SEMA6D: variants seen among roughly 807,000 people sequenced by gnomAD.
The protein encoded by SEMA6D is semaphorin-6D.
In SEMA6D, 35 loss-of-function variants were observed where a neutral mutation model predicts 106.6. The observed-to-expected ratio is 0.33, with a 90% CI of 0.25 to 0.44. The LOEUF is 0.44. Among genes scored for constraint, SEMA6D ranks in the 20% least tolerant of loss-of-function variants. The pLI is 1.00. For synonymous variants in SEMA6D, 499 were observed against 487.7 expected, an observed-to-expected ratio of 1.02 and a Z score of -0.31; for missense variants, 1,185 against 1,345.9, an observed-to-expected ratio of 0.88 and a Z score of 1.87.
chr15:47,559,141 A>G (rs1034878199), intron 3 of SEMA6D, among the ~76,000 whole-genome samples: 1 of 152,140 alleles, frequency 6.6e-6, no homozygotes, highest in Non-Finnish European at 1.5e-5. Flanking sequence ...ATCTGGAAAG[A>G]TACCATTGTA....
At chr15:47,335,546 A>G (rs641257) in intron 1 of SEMA6D, among the ~76,000 whole-genome samples, 48,877 of 151,800 alleles carry the variant, frequency 0.32, 9,468 homozygotes, top group East Asian at 0.55. Flanking sequence ...TGACTAGGAT[A>G]TTTGCCCCCT....
chr15:47,286,439 C>A (rs1229394103), intron 1 of SEMA6D, among the ~76,000 whole-genome samples: 1 of 152,046 alleles, frequency 6.6e-6, no homozygotes, highest in Non-Finnish European at 1.5e-5. Context: ...CAATAATAAA[C>A]ACATTAATAT....
At chr15:47,222,238 C>T (rs148957116) in intron 1 of SEMA6D, among the ~76,000 whole-genome samples, 186 of 152,176 alleles carry the variant, frequency 1.2e-3, no homozygotes, top group African/African-American at 4.3e-3. Context: ...CAGAAATGAC[C>T]CATCATATGA....
chr15:47,361,297 T>C (rs1359930232), intron 1 of SEMA6D, among the ~76,000 whole-genome samples: 1 of 152,176 alleles, frequency 6.6e-6, no homozygotes, highest in Admixed American at 6.5e-5. Flanking sequence ...AATGGACATA[T>C]CCCCTTGATA....
At chr15:47,646,937 T>C (rs762218902) in intron 4 of SEMA6D, among the ~76,000 whole-genome samples, 2 of 152,208 alleles carry the variant, frequency 1.3e-5, no homozygotes, top group Non-Finnish European at 2.9e-5. Context: ...ACTGCAGCTG[T>C]GACCAAAAAT....
intron 1 of SEMA6D, among the ~76,000 whole-genome samples, chr15:47,343,810 T>C (rs551400955): frequency 1.3e-5 from 2 of 152,078 alleles, no homozygotes; most frequent in Non-Finnish European, 2.9e-5. Flanking sequence ...TTTCTAGTTA[T>C]ATGGGAGAAA....
chr15:47,367,134 G>C (rs911842526), intron 1 of SEMA6D, among the ~76,000 whole-genome samples: 7 of 152,210 alleles, frequency 4.6e-5, no homozygotes, highest in Non-Finnish European at 8.8e-5. Context: ...ATGAGACAGT[G>C]TTTGCTATAA....
At chr15:47,206,172 TC>T (rs1895046532) in intron 1 of SEMA6D, among the ~76,000 whole-genome samples, 1 of 152,190 alleles carries the variant, frequency 6.6e-6, no homozygotes, top group Non-Finnish European at 1.5e-5. Context: ...CAAATAAATA[TC>T]CAATATGTAT....
chr15:47,287,999 C>CAG (rs1171150004), intron 1 of SEMA6D, among the ~76,000 whole-genome samples: 1 of 151,754 alleles, frequency 6.6e-6, no homozygotes, highest in Non-Finnish European at 1.5e-5. Flanking sequence ...AAGAGAGAGA[C>CAG]AGAGAGAGAG....
At chr15:47,738,894 C>T (rs1232865992) in intron 1 of SEMA6D, among the ~76,000 whole-genome samples, 1 of 152,168 alleles carries the variant, frequency 6.6e-6, no homozygotes, top group Non-Finnish European at 1.5e-5. Flanking sequence ...CATGGAAGGC[C>T]AGTGGGTGCT....
chr15:47,527,242 G>A (rs965967098), intron 3 of SEMA6D, among the ~76,000 whole-genome samples: 3 of 152,058 alleles, frequency 2.0e-5, no homozygotes, highest in African/African-American at 7.2e-5. Flanking sequence ...GAAAGTGGCA[G>A]TGACACACTA....
chr15:47,542,022 A>C (rs2045370325), intron 3 of SEMA6D, among the ~76,000 whole-genome samples: 1 of 152,220 alleles, frequency 6.6e-6, no homozygotes, highest in African/African-American at 2.4e-5. Flanking sequence ...ATATATACAG[A>C]GCAAGATTGC....
intron 4 of SEMA6D, among the ~76,000 whole-genome samples, chr15:47,633,331 T>C (rs1484103361): frequency 2.6e-5 from 4 of 152,142 alleles, no homozygotes; most frequent in Non-Finnish European, 5.9e-5. Flanking sequence ...AACAGCAAAT[T>C]ATCTTAGTTT....
chr15:47,387,956 T>C lies in SEMA6D; in HGVS notation c.-238-24437T>C, dbSNP rs2173092. Among the ~76,000 whole-genome samples the C allele has an allele frequency of 6.4e-3, 971 of 152,326 alleles. 12 individuals carry two copies. The highest frequency in any genetic ancestry group is 0.022 in the African/African-American group (924 of 41,570). On this transcript the variant is annotated intron_variant, in intron 1 of 19. Coordinates refer to the SEMA6D transcript ENST00000558014. ...AGTGCCTAAGCTCTAATACTCAGAA[T>C]AGTGGTAAGCACTTAATAAGTGCCA...
At chr15:47,644,130 T>TA (rs903325240) in intron 4 of SEMA6D, among the ~76,000 whole-genome samples, 31 of 151,740 alleles carry the variant, frequency 2.0e-4, no homozygotes, top group African/African-American at 4.4e-4. Flanking sequence ...GTGAAATGGT[T>TA]AAAAAAAAAT....
chr15:47,348,716 CACCACA>C (rs138796462), intron 1 of SEMA6D, among the ~76,000 whole-genome samples: 56 of 43,846 alleles, frequency 1.3e-3, no homozygotes, highest in African/African-American at 4.0e-3. Context: ...CACACACACA[CACCACA>C]CACACAGAGA....
At chr15:47,522,265 A>T (rs193023671) in intron 3 of SEMA6D, among the ~76,000 whole-genome samples, 1 of 152,358 alleles carries the variant, frequency 6.6e-6, no homozygotes, top group Non-Finnish European at 1.5e-5. Flanking sequence ...ACTCATGTCT[A>T]TTCAATGCTT....
intron 4 of SEMA6D, among the ~76,000 whole-genome samples, chr15:47,643,583 A>T (rs1356904016): frequency 6.6e-6 from 1 of 152,208 alleles, no homozygotes; most frequent in African/African-American, 2.4e-5. Flanking sequence ...CTTCCAAGGA[A>T]TGTTAACCCT....
At chr15:47,245,892 T>A (rs1396421311) in intron 1 of SEMA6D, among the ~76,000 whole-genome samples, 3 of 151,644 alleles carry the variant, frequency 2.0e-5, no homozygotes, top group Non-Finnish European at 4.4e-5. Flanking sequence ...ATGGTGTGAG[T>A]GGAGAGGATA....
Sources: allele counts gnomAD v4.1 joint callset (sites outside exome capture counted in the v4.1 genomes callset), GRCh38; gene constraint gnomAD v4.1.1; transcripts MANE v1.5; gene names NCBI Gene and HGNC (gene_info 2026-07-23, HGNC 2026-07-21).